PCYT1B: variants seen among roughly 807,000 people sequenced by gnomAD.
PCYT1B encodes phosphate cytidylyltransferase 1B, choline, also known as choline-phosphate cytidylyltransferase B.
Under a neutral mutation model 26.4 loss-of-function variants are expected in PCYT1B, and 10 were observed. The ratio of observed to expected loss-of-function variants is 0.38; its 90% CI spans 0.23 to 0.64. The LOEUF is 0.64. PCYT1B is among the 30% of genes least tolerant of loss of function. PCYT1B has a pLI of 0.56. For missense variants in PCYT1B, 161 were observed against 292.7 expected, an observed-to-expected ratio of 0.55 and a Z score of 3.28; for synonymous variants, 131 against 108.4, an observed-to-expected ratio of 1.21 and a Z score of -1.29.
intron 7 of PCYT1B, among the ~76,000 whole-genome samples, chrX:24,574,267 C>T (rs1319406999): frequency 9.0e-6 from 1 of 111,340 alleles, no homozygotes; most frequent in Admixed American, 9.6e-5. Flanking sequence ...CTCGTCAACC[C>T]TTTAGCGTCT....
At chrX:24,606,646 C>T (rs1309896478) in intron 3 of PCYT1B, among the ~76,000 whole-genome samples, 1 of 111,918 alleles carries the variant, frequency 8.9e-6, no homozygotes, top group Non-Finnish European at 1.9e-5. Flanking sequence ...GGTGGATCAC[C>T]TGAGGTCAGG....
chrX:24,634,660 C>T (rs896262902), intron 1 of PCYT1B, among the ~76,000 whole-genome samples: 2 of 111,333 alleles, frequency 1.8e-5, no homozygotes, highest in African/African-American at 6.5e-5. Context: ...GCAAGAGAAT[C>T]GCTTGTACCT....
chrX:24,579,797 C>T (rs189333788), intron 5 of PCYT1B, among the ~76,000 whole-genome samples: 3 of 111,964 alleles, frequency 2.7e-5, no homozygotes, highest in Non-Finnish European at 3.8e-5. Context: ...CAAAGTCCAG[C>T]TTCAAGGTTA....
intron 2 of PCYT1B, among the ~76,000 whole-genome samples, chrX:24,608,065 G>A (rs1344835917): frequency 9.0e-6 from 1 of 111,379 alleles, no homozygotes; most frequent in African/African-American, 3.3e-5. Context: ...ATCAAACCAG[G>A]GAACACACTA....
chrX:24,636,070 C>T (rs1488845231), intron 1 of PCYT1B, among the ~76,000 whole-genome samples: 1 of 111,520 alleles, frequency 9.0e-6, no homozygotes, highest in East Asian at 2.8e-4. Context: ...TAAGGTGTTT[C>T]GTTCAAGTGC....
At chrX:24,618,173 G>A (rs540774699) in intron 2 of PCYT1B, among the ~76,000 whole-genome samples, 1 of 111,549 alleles carries the variant, frequency 9.0e-6, no homozygotes, top group African/African-American at 3.3e-5. Context: ...AATGCTAAAG[G>A]GATGAATGAA....
At chrX:24,613,884 T>A (rs2148250415) in intron 2 of PCYT1B, among the ~76,000 whole-genome samples, 1 of 104,151 alleles carries the variant, frequency 9.6e-6, no homozygotes, top group Admixed American at 1.1e-4. Context: ...GCCTGGGAGG[T>A]TAAGACTGCA....
intron 3 of PCYT1B, among the ~76,000 whole-genome samples, chrX:24,592,146 C>G (rs1227591289): frequency 3.6e-5 from 4 of 111,443 alleles, no homozygotes; most frequent in Non-Finnish European, 5.6e-5. Context: ...TATATAAACA[C>G]AAAGAAATAC....
chrX:24,572,962 A>G (rs1384984147), intron 7 of PCYT1B, among the ~76,000 whole-genome samples: 1 of 107,281 alleles, frequency 9.3e-6, no homozygotes, highest in Non-Finnish European at 1.9e-5. Context: ...ATACACACAT[A>G]CACACACATA....
chrX:24,622,109 G>A (rs952331764), intron 1 of PCYT1B, among the ~76,000 whole-genome samples: 2 of 112,152 alleles, frequency 1.8e-5, no homozygotes, highest in Non-Finnish European at 3.8e-5. Context: ...AGTTGATATG[G>A]AGAAGAGCTA....
intron 1 of PCYT1B, among the ~76,000 whole-genome samples, chrX:24,666,572 T>C (rs1312291640): frequency 1.8e-5 from 2 of 108,712 alleles, no homozygotes; most frequent in African/African-American, 3.3e-5. Context: ...TACCAATTTT[T>C]AAATTTTCTT....
At chrX:24,566,845 A>G (rs928819709) in intron 7 of PCYT1B, among the ~76,000 whole-genome samples, 1 of 111,583 alleles carries the variant, frequency 9.0e-6, no homozygotes, top group Non-Finnish European at 1.9e-5. Flanking sequence ...GGTCTTTTCC[A>G]GATTTAAAAT....
At chrX:24,621,643 C>A (rs756529576) in intron 1 of PCYT1B, among the ~76,000 whole-genome samples, 1 of 111,243 alleles carries the variant, frequency 9.0e-6, no homozygotes, top group East Asian at 2.8e-4. Context: ...CACCTGGCTG[C>A]AAATTGACTT....
At chrX:24,659,693 G>C (rs1247460605) in intron 1 of PCYT1B, among the ~76,000 whole-genome samples, 1 of 111,625 alleles carries the variant, frequency 9.0e-6, no homozygotes, top group Non-Finnish European at 1.9e-5. Flanking sequence ...GAGGGCCTTT[G>C]TGTTCCATCA....
intron 1 of PCYT1B, among the ~76,000 whole-genome samples, chrX:24,660,237 A>T (rs1927001022): frequency 1.8e-5 from 2 of 112,376 alleles, no homozygotes; most frequent in African/African-American, 3.2e-5. Context: ...GAAAAAAAGG[A>T]TCTCTATTTT....
At chrX:24,623,339 G>A (rs1054917766) in intron 1 of PCYT1B, among the ~76,000 whole-genome samples, 4 of 99,903 alleles carry the variant, frequency 4.0e-5, no homozygotes, top group African/African-American at 1.5e-4. Context: ...TCCAAATTTG[G>A]GGTTTGGTTG....
chrX:24,563,740 C>T (rs991131538), intron 7 of PCYT1B, among the ~76,000 whole-genome samples: 4 of 111,512 alleles, frequency 3.6e-5, no homozygotes, highest in East Asian at 5.6e-4. Context: ...GTACAGTCTC[C>T]TCTGAGAAGA....
intron 2 of PCYT1B, among the ~76,000 whole-genome samples, chrX:24,609,581 A>C (rs943567575): frequency 2.7e-5 from 3 of 112,518 alleles, no homozygotes; most frequent in African/African-American, 9.7e-5. Flanking sequence ...TTACAGAGTT[A>C]AGAGTTAAAA....
At chrX:24,566,243 A>G (rs757602834) in intron 7 of PCYT1B, among the ~76,000 whole-genome samples, 27 of 112,273 alleles carry the variant, frequency 2.4e-4, no homozygotes, top group Middle Eastern at 9.1e-3. Flanking sequence ...TATGATGGAC[A>G]TTCAATGCAA....
Sources: gnomAD v4.1 joint callset for allele counts (sites outside exome capture counted in the v4.1 genomes callset) on GRCh38, gnomAD v4.1.1 for gene constraint, MANE v1.5 for transcripts, NCBI Gene and HGNC (gene_info 2026-07-23, HGNC 2026-07-21) for gene names.